CNPY4: variants seen among roughly 807,000 people sequenced by gnomAD.
CNPY4 encodes the protein protein canopy homolog 4.
In CNPY4, 33 loss-of-function variants were observed where a neutral mutation model predicts 30.1. The observed-to-expected ratio is 1.10, with a 90% CI of 0.83 to 1.46. The LOEUF is 1.46. Ranked by LOEUF, CNPY4 falls within the 40% of genes most tolerant of loss-of-function variation. The pLI is 0.00. For missense variants in CNPY4, 324 were observed against 302.6 expected (o/e 1.07, Z -0.52); for synonymous variants, 109 against 110.1 (o/e 0.99, Z 0.06).
intron 1 of CNPY4, 72 bp from the exon 2 acceptor site, chr7:100,122,186 CA>C: frequency 6.3e-7 from 1 of 1,585,142 alleles, no homozygotes. Flanking sequence ...TCTGCTGCCT[CA>C]GGTCATCTGC....
intron 1 of CNPY4, chr7:100,122,049 G>GGA (rs1798088899): frequency 1.1e-3 from 342 of 314,264 alleles, no homozygotes; most frequent in Middle Eastern, 6.1e-3. Context: ...GAGTCCGTCT[G>GGA]AAAAAAAAAA....
rs1191709831 is a variant in CNPY4 at position 100,125,401 on chromosome 7, T to C, written c.*513T>C. 1.9e-5 allele frequency: 3 copies of C among 155,464 alleles called. No homozygotes were observed. Among genetic ancestry groups the C allele is most frequent in the East Asian group, 1.9e-4 (1 of 5,226 alleles). The allele number at this position is 155,464 out of a possible 1,614,324, so 9.6% of individuals were successfully genotyped here. ...GGAGTTGCTGATAATTTAGGTGGGA[T>C]AGATACTTGGTCTACTTAAGCTCAA... On this transcript the variant is annotated 3_prime_UTR_variant, in exon 6 of 6. Transcript: ENST00000262932.
At position 100,124,639 on chromosome 7, in the gene CNPY4, T is replaced by TG. The variant is rs760161046; in HGVS notation, c.583+8_583+9insG. On this transcript the variant is annotated intron_variant, in intron 5 of 5. Transcript: ENST00000262932. Reference sequence around the variant, plus strand: ...TCCCAGCTGCTGAAACTGGTAAGCGTAAGGGTTGAACTCCTCTCCTGCCAA... The same window carrying TG: ...TCCCAGCTGCTGAAACTGGTAAGCGTGAAGGGTTGAACTCCTCTCCTGCCAA... 6.2e-7 allele frequency: 1 copy of TG among 1,612,204 alleles called. No homozygotes were observed. Among genetic ancestry groups the TG allele is most frequent in the Non-Finnish European group, 8.5e-7 (1 of 1,178,880 alleles).
intron 1 of CNPY4, chr7:100,120,302 G>A (rs1042347129): frequency 1.9e-5 from 3 of 154,570 alleles, no homozygotes; most frequent in African/African-American, 7.2e-5. Context: ...ACCCCGCTGA[G>A]GGGGTTTGAG....
rs760069201 is a variant in CNPY4, at chr7:100,124,707, TTC to T, written c.584-16_584-15del. 1.9e-6 allele frequency: 3 copies of T among 1,613,774 alleles called. No individual in the cohort carries two copies. Among genetic ancestry groups the T allele is most frequent in the Non-Finnish European group, 2.5e-6 (3 of 1,179,900 alleles). ...CTCCAGGACTAATATCTAAATTGTT[TTC>T]TGTCATCCGATCTAGCATGTCTACA... On this transcript the variant is annotated splice_polypyrimidine_tract_variant and intron_variant, in intron 5 of 5. Coordinates refer to ENST00000262932, the MANE Select transcript of CNPY4 (RefSeq NM_152755.2).
intron 1 of CNPY4, 139 bp from the exon 2 acceptor site, chr7:100,122,120 G>T: frequency 1.0e-6 from 1 of 966,604 alleles, no homozygotes; most frequent in South Asian, 1.6e-5. Flanking sequence ...GCTGCTAAAT[G>T]GCTGAGCCAG....
intron 4 of CNPY4, among the ~76,000 whole-genome samples, chr7:100,123,306 C>T (rs1366331687): frequency 1.3e-5 from 2 of 151,428 alleles, no homozygotes; most frequent in African/African-American, 4.9e-5. Flanking sequence ...CGCACCATTG[C>T]ACTCCAGCCA....
chr7:100,122,416 C>G lies in CNPY4; in HGVS notation c.245+31C>G, dbSNP rs182207201. ...TCCTTCGTGCTCCTCCCCTTTCCAACCCCCAACGGAGCCCTGGGAGTTCCT... is the reference window on the plus strand; with the variant it reads ...TCCTTCGTGCTCCTCCCCTTTCCAAGCCCCAACGGAGCCCTGGGAGTTCCT... On this transcript the variant is annotated intron_variant, in intron 2 of 5. Transcript: ENST00000262932. 62 of 1,614,058 alleles carry G rather than the reference C, an allele frequency of 3.8e-5. No individual in the cohort carries two copies. The Admixed American group carries it at 1.0e-3, about 26-fold the overall frequency.
Position 100,122,368 on chromosome 7 carries a change from C to A in CNPY4, c.228C>A (p.His76Gln), listed in dbSNP as rs369187074. The A allele has an allele frequency of 2.5e-6, 4 of 1,614,136 alleles. No individual in the cohort carries two copies. The highest frequency in any genetic ancestry group is 2.2e-5 in the East Asian group (1 of 44,874). ...TGGATACAGGCAAGAGGAAGAGACA[C>A]GTGCCTTACAGCGTTTCGTGAGTCC... ...QVLDTGKRKR[H>Q]VPYSVSETRL... The change falls in exon 2 of 6, where the codon CAC becomes CAA. Residue 76 changes from histidine to glutamine, a missense_variant. His to Gln is a conservative substitution (Grantham distance 24, BLOSUM62 0). Coordinates refer to ENST00000262932, the MANE Select transcript of CNPY4 (RefSeq NM_152755.2).
intron 4 of CNPY4, among the ~76,000 whole-genome samples, chr7:100,123,905 C>G (rs552892849): frequency 6.6e-6 from 1 of 152,096 alleles, no homozygotes; most frequent in Admixed American, 6.5e-5. Flanking sequence ...GCGAGACAGG[C>G]GGATCACGAC....
rs1347948509 is a variant in CNPY4, at chr7:100,119,778, CT to C, written c.41del (p.Leu14TrpfsTer11). On this transcript the variant is annotated frameshift_variant, in exon 1 of 6. Coordinates refer to ENST00000262932, the MANE Select transcript of CNPY4 (RefSeq NM_152755.2). LOFTEE classifies it high-confidence loss of function. ...GPVRLGILLF[L>X]FLAVHEAWAG... ...TGTGCGGTTGGGAATATTGCTTTTCCTTTTTTTGGCCGTGCACGAGGCTTGG... is the reference window on the plus strand; with the variant it reads ...TGTGCGGTTGGGAATATTGCTTTTCCTTTTTTGGCCGTGCACGAGGCTTGG... The C allele has an allele frequency of 6.2e-7, 1 of 1,613,988 alleles. No homozygotes were observed. The highest frequency in any genetic ancestry group is 1.7e-5 in the Admixed American group (1 of 59,968).
Position 100,122,538 on chromosome 7 carries a change from T to A in CNPY4, c.303T>A (p.Ser101Arg). Residue 101 changes from serine (S) to arginine (R), a missense_variant, in exon 3 of 6, where the codon AGT (serine) becomes AGA (arginine). Ser to Arg is a moderately radical substitution (Grantham distance 110). Transcript: ENST00000262932. ...TATGTGAGCGGATCCTGGACTATAGTGTTCACGCTGAGCGCAAGGGCTCAC... is the reference window on the plus strand; with the variant it reads ...TATGTGAGCGGATCCTGGACTATAGAGTTCACGCTGAGCGCAAGGGCTCAC... ...ENLCERILDY[S>R]VHAERKGSLR... 6.2e-7 allele frequency: 1 copy of A among 1,613,564 alleles called. No homozygotes were observed. The highest frequency in any genetic ancestry group is 8.5e-7 in the Non-Finnish European group (1 of 1,179,776).
rs764201928 is a variant in CNPY4, at chr7:100,119,873, G to A, written c.118+11G>A. 1 of 1,607,196 alleles carries A rather than the reference G, an allele frequency of 6.2e-7. No homozygotes were observed. The highest frequency in any genetic ancestry group is 8.5e-7 in the Non-Finnish European group (1 of 1,176,608). On this transcript the variant is annotated intron_variant, in intron 1 of 5. Transcript: ENST00000262932. The stretch of plus-strand genomic sequence containing the variant: ...CCAGCAAATGCGAAGGTATTTGAAG[G>A]GGGTAGCCCCTATAGGCATCGCCCG...
At chr7:100,122,422 A>G (rs749402643) in intron 2 of CNPY4, 37 bp downstream of exon 2, 18 of 1,613,836 alleles carry the variant, frequency 1.1e-5, no homozygotes, top group South Asian at 8.8e-5. Context: ...CCAACCCCCA[A>G]CGGAGCCCTG....
intron 1 of CNPY4, 66 bp from the exon 2 acceptor site, chr7:100,122,193 T>G: frequency 1.3e-6 from 2 of 1,596,050 alleles, no homozygotes; most frequent in Non-Finnish European, 1.7e-6. Context: ...CCTCAGGTCA[T>G]CTGCAGAATG....
chr7:100,124,590 A>G lies in CNPY4; in HGVS notation c.542A>G (p.Asn181Ser). The G allele has an allele frequency of 6.2e-7, 1 of 1,612,996 alleles. No homozygotes were observed. The highest frequency in any genetic ancestry group is 8.5e-7 in the Non-Finnish European group (1 of 1,179,826). Residue 181 changes from asparagine (N) to serine (S), a missense_variant, in exon 5 of 6, where the codon AAT (asparagine) becomes AGT (serine). Physicochemically the swap from Asn to Ser is conservative, Grantham distance 46. Transcript: ENST00000262932. ...CACCATCAGGAGCAGCCCCTACAAA[A>G]TTTTCTCTGTGAAGGTCATGTGCTC... ...YFHHQEQPLQ[N>S]FLCEGHVLPA...
intron 4 of CNPY4, among the ~76,000 whole-genome samples, chr7:100,123,869 G>A (rs761248468): frequency 2.0e-5 from 3 of 152,130 alleles, no homozygotes; most frequent in African/African-American, 4.8e-5. Context: ...GATGGCTCAC[G>A]TATGTAATCC....
chr7:100,124,706 T>C lies in CNPY4; in HGVS notation c.584-19T>C, dbSNP rs779406939. The C allele has an allele frequency of 9.9e-6, 16 of 1,613,644 alleles. No individual in the cohort carries two copies. The highest frequency in any genetic ancestry group is 1.3e-5 in the African/African-American group (1 of 74,802). Reference sequence around the variant, plus strand: ...CCTCCAGGACTAATATCTAAATTGTTTTCTGTCATCCGATCTAGCATGTCT... The same window carrying C: ...CCTCCAGGACTAATATCTAAATTGTCTTCTGTCATCCGATCTAGCATGTCT... On this transcript the variant is annotated intron_variant, in intron 5 of 5. Transcript: ENST00000262932.
intron 1 of CNPY4, chr7:100,121,972 C>A (rs1798086567): frequency 9.5e-6 from 3 of 316,504 alleles, no homozygotes; most frequent in Non-Finnish European, 1.8e-5. Flanking sequence ...ATGGCGTGAA[C>A]CCAGGAGGCG....
Sources: allele counts gnomAD v4.1 joint callset (sites outside exome capture counted in the v4.1 genomes callset), GRCh38; gene constraint gnomAD v4.1.1; transcripts MANE v1.5; gene names NCBI Gene and HGNC (gene_info 2026-07-23, HGNC 2026-07-21).